Variants in MAN1A2 observed in about 807,000 individuals in gnomAD.
MAN1A2 encodes the protein mannosyl-oligosaccharide 1,2-alpha-mannosidase IB.
MAN1A2 carries 26 observed loss-of-function variants against 75.7 expected under a neutral mutation model. The observed-to-expected ratio is 0.34, with a 90% confidence interval of 0.25 to 0.48. MAN1A2 has a LOEUF of 0.48. MAN1A2 is among the 20% of genes least tolerant of loss of function. The pLI is 0.99. For missense variants in MAN1A2, 562 were observed against 775.5 expected (o/e 0.72, Z 3.27); for synonymous variants, 247 against 264.6 (o/e 0.93, Z 0.65).
intron 3 of MAN1A2, among the ~76,000 whole-genome samples, chr1:117,408,230 G>A (rs1362441061): frequency 6.7e-6 from 1 of 149,950 alleles, no homozygotes; most frequent in Non-Finnish European, 1.5e-5. Flanking sequence ...GGGGCACCAT[G>A]ATCATGATGC....
rs530428954 is a variant in MAN1A2, at chr1:117,411,254, C to T, written c.656-3459C>T. Among the ~76,000 whole-genome samples the T allele has an allele frequency of 3.5e-4, 53 of 151,776 alleles. No individual in the cohort carries two copies. The Middle Eastern group carries it at 0.01, about 29-fold the overall frequency. On this transcript the variant is annotated intron_variant, in intron 3 of 12. Transcript: ENST00000356554. ...TTAGCATAAGGATGGGCATAGAGAT[C>T]TGTGGAAAAGAATAGAAATAGAAGT...
At chr1:117,512,028 G>C (rs1447429428) in intron 12 of MAN1A2, among the ~76,000 whole-genome samples, 1 of 152,020 alleles carries the variant, frequency 6.6e-6, no homozygotes, top group African/African-American at 2.4e-5. Flanking sequence ...AATTTTATAA[G>C]ATCTTGTATA....
intron 11 of MAN1A2, among the ~76,000 whole-genome samples, chr1:117,500,769 G>A (rs1423854161): frequency 1.3e-5 from 2 of 151,862 alleles, no homozygotes; most frequent in Non-Finnish European, 2.9e-5. Flanking sequence ...GAAATTCTCT[G>A]TGTAGGAGGG....
At chr1:117,493,661 G>C (rs748953044) in intron 9 of MAN1A2, 6 of 154,978 alleles carry the variant, frequency 3.9e-5, no homozygotes, top group Non-Finnish European at 8.6e-5. Flanking sequence ...CATGCCTGTA[G>C]TCCCAGCTAC....
chr1:117,381,357 C>G (rs567597595), intron 1 of MAN1A2, among the ~76,000 whole-genome samples: 1 of 152,190 alleles, frequency 6.6e-6, no homozygotes, highest in South Asian at 2.1e-4. Context: ...CACAACAGTC[C>G]CCAGAGTGTG....
At chr1:117,452,321 A>C (rs961299799) in intron 6 of MAN1A2, among the ~76,000 whole-genome samples, 2 of 148,544 alleles carry the variant, frequency 1.3e-5, no homozygotes, top group Non-Finnish European at 3.0e-5. Flanking sequence ...AAAAAAAAAA[A>C]GTTGGAAATA....
chr1:117,453,587 AATGGATG>A (rs1358770642), intron 6 of MAN1A2, among the ~76,000 whole-genome samples: 3 of 152,218 alleles, frequency 2.0e-5, no homozygotes, highest in Non-Finnish European at 2.9e-5. Context: ...ATAAGACTTG[AATGGATG>A]AGGAGTTGCT....
At chr1:117,480,651 C>CAT (rs1425775502) in intron 8 of MAN1A2, among the ~76,000 whole-genome samples, 1 of 151,798 alleles carries the variant, frequency 6.6e-6, no homozygotes, top group East Asian at 1.9e-4. Flanking sequence ...TGAGTATTTG[C>CAT]ATATATGTAT....
chr1:117,496,704 G>A (rs1433430463), intron 9 of MAN1A2, 59 bp from the exon 10 acceptor site: 1 of 1,230,788 alleles, frequency 8.1e-7, no homozygotes, highest in Non-Finnish European at 1.2e-6. Context: ...GAAGGATATA[G>A]TAAGTTTGAA....
At chr1:117,392,884 G>T (rs1392949595) in intron 1 of MAN1A2, among the ~76,000 whole-genome samples, 3 of 152,206 alleles carry the variant, frequency 2.0e-5, no homozygotes, top group Non-Finnish European at 4.4e-5. Context: ...ATTGGATTTG[G>T]TATAAAAGCT....
At chr1:117,394,019 ATTTG>A (rs1653826263) in intron 1 of MAN1A2, among the ~76,000 whole-genome samples, 1 of 150,980 alleles carries the variant, frequency 6.6e-6, no homozygotes, top group Admixed American at 6.6e-5. Context: ...GCTCTTATTT[ATTTG>A]TTGATTCTTT....
chr1:117,468,412 A>G (rs1031772676), intron 8 of MAN1A2, among the ~76,000 whole-genome samples: 1 of 152,090 alleles, frequency 6.6e-6, no homozygotes, highest in Non-Finnish European at 1.5e-5. Flanking sequence ...ATTAAAGTTT[A>G]TTTACAATAA....
chr1:117,462,625 A>G (rs1649856247), intron 7 of MAN1A2, among the ~76,000 whole-genome samples: 1 of 152,174 alleles, frequency 6.6e-6, no homozygotes, highest in Admixed American at 6.6e-5. Flanking sequence ...AAATGTGTTG[A>G]CACGAGTAAA....
chr1:117,391,603 GTTACT>G (rs1167651613), intron 1 of MAN1A2, among the ~76,000 whole-genome samples: 1 of 152,134 alleles, frequency 6.6e-6, no homozygotes, highest in Non-Finnish European at 1.5e-5. Context: ...ACTTTATTGA[GTTACT>G]TTACACACTG....
chr1:117,389,060 A>C (rs1308402405), intron 1 of MAN1A2, among the ~76,000 whole-genome samples: 1 of 152,174 alleles, frequency 6.6e-6, no homozygotes, highest in Non-Finnish European at 1.5e-5. Flanking sequence ...ATCCACTTCA[A>C]CTTTTATCCT....
rs1257820358 is a variant in MAN1A2 at position 117,525,156 on chromosome 1, C to G, written c.*2199C>G. ...TGCTCTATTTGTATTACCCAGATGA[C>G]TGAAGCTTAAGAGAAGGCAGGGAAG... On this transcript the variant is annotated 3_prime_UTR_variant, in exon 13 of 13. Coordinates refer to ENST00000356554, the MANE Select transcript of MAN1A2 (RefSeq NM_006699.5). 1.9e-6 allele frequency: 1 copy of G among 525,660 alleles called. No individual in the cohort carries two copies. Among genetic ancestry groups the G allele is most frequent in the South Asian group, 1.4e-5 (1 of 69,532 alleles). 32.6% of individuals were successfully genotyped at this position (525,660 alleles called of 1,614,324 possible). A position where few individuals can be genotyped will look rare whatever the true frequency, so the allele number is the denominator to read the frequency against.
intron 11 of MAN1A2, 65 bp downstream of exon 11, chr1:117,499,619 A>G (rs2101879653): frequency 7.6e-7 from 1 of 1,309,308 alleles, no homozygotes; most frequent in Non-Finnish European, 1.0e-6. Context: ...ATGATGCCAC[A>G]TACCCTCACC....
At chr1:117,390,915 G>A (rs1051683002) in intron 1 of MAN1A2, among the ~76,000 whole-genome samples, 1 of 151,878 alleles carries the variant, frequency 6.6e-6, no homozygotes, top group Non-Finnish European at 1.5e-5. Flanking sequence ...CCTTTATTGA[G>A]GTATTATTCA....
chr1:117,391,373 T>C (rs535286156), intron 1 of MAN1A2, among the ~76,000 whole-genome samples: 298 of 152,312 alleles, frequency 2.0e-3, no homozygotes, highest in African/African-American at 6.5e-3. Context: ...GATCAGTTAT[T>C]GAGTGAAGGA....
Sources: gnomAD v4.1 joint callset for allele counts (sites outside exome capture counted in the v4.1 genomes callset) on GRCh38, gnomAD v4.1.1 for gene constraint, MANE v1.5 for transcripts, NCBI Gene and HGNC (gene_info 2026-07-23, HGNC 2026-07-21) for gene names.